The following B4GALNT3 variants were observed in gnomAD, a reference collection of about 807,000 sequenced individuals.
B4GALNT3 encodes beta-1,4-N-acetylgalactosaminyltransferase 3.
In B4GALNT3, 86 loss-of-function variants were observed where a neutral mutation model predicts 120.2. The observed-to-expected ratio is 0.72, with a 90% confidence interval of 0.60 to 0.86. B4GALNT3 has a LOEUF of 0.86. Ranked by LOEUF, B4GALNT3 falls within the 40% of genes least tolerant of loss-of-function variation. The pLI is 0.00. For missense variants in B4GALNT3, 1,167 were observed against 1,298.9 expected, an observed-to-expected ratio of 0.90 and a Z score of 1.56; for synonymous variants, 518 against 510.4, an observed-to-expected ratio of 1.01 and a Z score of -0.20.
chr12:506,689 T>C (rs931732397), intron 1 of B4GALNT3, among the ~76,000 whole-genome samples: 1 of 152,106 alleles, frequency 6.6e-6, no homozygotes, highest in Non-Finnish European at 1.5e-5. Context: ...CAGGCTGGAG[T>C]GCAGTGGCGC....
chr12:487,199 AC>A (rs1693282483), intron 1 of B4GALNT3, among the ~76,000 whole-genome samples: 1 of 152,232 alleles, frequency 6.6e-6, no homozygotes, highest in South Asian at 2.1e-4. Flanking sequence ...TGGGACAATT[AC>A]AAAAGGTGAA....
intron 4 of B4GALNT3, 94 bp from the exon 5 acceptor site, chr12:544,788 G>C: frequency 7.9e-7 from 1 of 1,266,864 alleles, no homozygotes; most frequent in Non-Finnish European, 1.1e-6. Context: ...GGTCCCTCCT[G>C]TCATAGTCCC....
intron 1 of B4GALNT3, among the ~76,000 whole-genome samples, chr12:506,888 G>A (rs113919408): frequency 0.081 from 12,333 of 152,226 alleles, 567 homozygotes; most frequent in Middle Eastern, 0.16. Context: ...CGCCCGCCTC[G>A]GCCTCCCGAA....
chr12:550,555 A>G lies in B4GALNT3; in HGVS notation c.998-367A>G, dbSNP rs530731309. Among the ~76,000 whole-genome samples the G allele has an allele frequency of 1.3e-5, 2 of 152,292 alleles. No individual in the cohort carries two copies. The highest frequency in any genetic ancestry group is 1.3e-4 in the Admixed American group (2 of 15,296). On this transcript the variant is annotated intron_variant, in intron 10 of 19. Coordinates refer to ENST00000266383, the MANE Select transcript of B4GALNT3 (RefSeq NM_173593.4). The surrounding 1 kb of genome is among the most constrained non-coding windows in gnomAD (Gnocchi z 4.1). The stretch of plus-strand genomic sequence containing the variant: ...CCTCACCCCTCTCAAAAAAATGACA[A>G]CTGACGCTAAGGGGATGTTCAGCCC...
intron 1 of B4GALNT3, among the ~76,000 whole-genome samples, chr12:512,300 C>CCTTCCACCTT (rs1338257262): frequency 7.8e-6 from 1 of 127,874 alleles, no homozygotes; most frequent in East Asian, 2.8e-4. Context: ...CCTTCTTCCA[C>CCTTCCACCTT]CTTCCACCTT....
intron 1 of B4GALNT3, among the ~76,000 whole-genome samples, chr12:462,297 A>G (rs1376607016): frequency 6.6e-6 from 1 of 151,302 alleles, no homozygotes; most frequent in African/African-American, 2.4e-5. Context: ...ACAGAGAGAA[A>G]GGCAGTTGCT....
intron 1 of B4GALNT3, among the ~76,000 whole-genome samples, chr12:469,701 C>T (rs1946116829): frequency 6.6e-6 from 1 of 152,178 alleles, no homozygotes; most frequent in Non-Finnish European, 1.5e-5. Context: ...GACACAGAAG[C>T]ACAGCAACTG....
rs1194054369 is a variant in B4GALNT3, at chr12:553,736, G to A, written c.1813G>A (p.Gly605Arg). 6.2e-7 allele frequency: 1 copy of A among 1,614,172 alleles called. No individual in the cohort carries two copies. Among genetic ancestry groups the A allele is most frequent in the Non-Finnish European group, 8.5e-7 (1 of 1,179,978 alleles). ...CGCAGGCCAGGAAGGACAAGTGGAGGGAGAGGAAGAGGGGGAAGAAGAGGA... is the reference window on the plus strand; with the variant it reads ...CGCAGGCCAGGAAGGACAAGTGGAGAGAGAGGAAGAGGGGGAAGAAGAGGA... ...AAAGQEGQVEGEEEGEEEEEE... is the reference protein window; with the variant it reads ...AAAGQEGQVEREEEGEEEEEE... Residue 605 changes from glycine to arginine, a missense_variant, in exon 14 of 20, where the codon GGA becomes AGA. Physicochemically the swap from Gly to Arg is moderately radical, Grantham distance 125. Coordinates refer to ENST00000266383, the MANE Select transcript of B4GALNT3 (RefSeq NM_173593.4).
At chr12:483,425 A>T (rs952914354) in intron 1 of B4GALNT3, among the ~76,000 whole-genome samples, 1 of 152,192 alleles carries the variant, frequency 6.6e-6, no homozygotes, top group African/African-American at 2.4e-5. Context: ...GGCTGGACAC[A>T]GTGGCTCATA....
At chr12:528,618 C>G (rs886977121) in intron 1 of B4GALNT3, among the ~76,000 whole-genome samples, 1 of 152,208 alleles carries the variant, frequency 6.6e-6, no homozygotes, top group African/African-American at 2.4e-5. Context: ...GGGACTCCCT[C>G]CCAGGTGGCA....
chr12:534,396 G>GGACTC (rs1565604863), intron 1 of B4GALNT3, among the ~76,000 whole-genome samples: 8 of 152,082 alleles, frequency 5.3e-5, no homozygotes, highest in African/African-American at 1.9e-4. Flanking sequence ...CCGCCGGACT[G>GGACTC]ATTCTCCCCG....
intron 1 of B4GALNT3, among the ~76,000 whole-genome samples, chr12:486,802 C>T (rs147567129): frequency 4.8e-4 from 72 of 150,594 alleles, no homozygotes; most frequent in Non-Finnish European, 7.1e-4. Flanking sequence ...CAAAAAGTTA[C>T]GAGGCATACT....
intron 1 of B4GALNT3, among the ~76,000 whole-genome samples, chr12:514,665 G>C (rs1031042903): frequency 1.3e-5 from 2 of 152,082 alleles, no homozygotes; most frequent in African/African-American, 4.8e-5. Context: ...GAATACTTGG[G>C]ATTTCTAGGA....
intron 3 of B4GALNT3, chr12:543,127 G>A (rs1946938500): frequency 7.8e-7 from 1 of 1,289,414 alleles, no homozygotes; most frequent in Non-Finnish European, 1.0e-6. Context: ...GAGGTCCAGG[G>A]AGAGTATGTG....
intron 1 of B4GALNT3, among the ~76,000 whole-genome samples, chr12:468,604 A>G (rs545280028): frequency 2.6e-5 from 4 of 152,262 alleles, no homozygotes; most frequent in Non-Finnish European, 5.9e-5. Flanking sequence ...TCATGTGGGC[A>G]CCCATCCCTG....
At chr12:543,588 C>T (rs1946948203) in intron 3 of B4GALNT3, among the ~76,000 whole-genome samples, 1 of 113,954 alleles carries the variant, frequency 8.8e-6, no homozygotes. Flanking sequence ...GCATGGGGTG[C>T]TCATCCTCCT....
intron 3 of B4GALNT3, among the ~76,000 whole-genome samples, chr12:540,216 G>A (rs1431215449): frequency 1.3e-5 from 2 of 152,282 alleles, no homozygotes; most frequent in East Asian, 1.9e-4. Context: ...TCTGAACCTC[G>A]TACCTCTGCC....
intron 3 of B4GALNT3, among the ~76,000 whole-genome samples, chr12:541,268 G>T (rs1946912208): frequency 6.6e-6 from 1 of 152,218 alleles, no homozygotes; most frequent in Non-Finnish European, 1.5e-5. Flanking sequence ...TGTCCTTGGG[G>T]AGTCAGTTTA....
At chr12:552,335 A>ACACACACACACACACACACC (rs1491522563) in intron 12 of B4GALNT3, 132 bp from the exon 13 acceptor site, 2 of 806,692 alleles carry the variant, frequency 2.5e-6, no homozygotes, top group African/African-American at 3.8e-5. Context: ...ACACACACAC[A>ACACACACACACACACACACC]CCCGCTCACC....
Sources: allele counts gnomAD v4.1 joint callset (sites outside exome capture counted in the v4.1 genomes callset), GRCh38; gene constraint gnomAD v4.1.1; non-coding constraint Gnocchi (gnomAD v3.1); transcripts MANE v1.5; gene names NCBI Gene and HGNC (gene_info 2026-07-23, HGNC 2026-07-21).